Variants in NELL1 observed in about 807,000 individuals in gnomAD.
NELL1 encodes the protein neural EGFL like 1.
A neutral mutation model predicts 107.4 loss-of-function variants in NELL1; 76 were observed. That is an observed-to-expected ratio of 0.71 (90% CI 0.59 to 0.86). The LOEUF (loss-of-function observed/expected upper bound fraction) is 0.86. NELL1 is among the 40% of genes least tolerant of loss of function. The pLI is 0.00. For synonymous variants in NELL1, 353 were observed against 341.2 expected, an observed-to-expected ratio of 1.03 and a Z score of -0.38; for missense variants, 1,024 against 1,005.5, an observed-to-expected ratio of 1.02 and a Z score of -0.25.
chr11:20,847,374 T>C (rs1848718552), intron 3 of NELL1, among the ~76,000 whole-genome samples: 1 of 152,158 alleles, frequency 6.6e-6, no homozygotes. Context: ...TTGATCTCTG[T>C]TTCAGAGGCT....
chr11:20,703,012 C>T (rs554679163), intron 2 of NELL1, among the ~76,000 whole-genome samples: 1 of 152,186 alleles, frequency 6.6e-6, no homozygotes, highest in East Asian at 1.9e-4. Flanking sequence ...TGATGCTGGC[C>T]TTATAAAGTG....
chr11:20,947,850 G>A (rs972513202), intron 11 of NELL1, among the ~76,000 whole-genome samples: 3 of 152,044 alleles, frequency 2.0e-5, no homozygotes, highest in African/African-American at 7.2e-5. Context: ...CCCATACTCT[G>A]GTAGAGAATG....
chr11:20,810,659 A>G (rs1191759752), intron 3 of NELL1, among the ~76,000 whole-genome samples: 1 of 152,122 alleles, frequency 6.6e-6, no homozygotes, highest in Non-Finnish European at 1.5e-5. Flanking sequence ...GCAATTGCTA[A>G]TTGTGCTGCT....
At chr11:21,292,287 T>C (rs549530522) in intron 14 of NELL1, among the ~76,000 whole-genome samples, 50 of 152,216 alleles carry the variant, frequency 3.3e-4, no homozygotes, top group Middle Eastern at 3.4e-3. Flanking sequence ...ACACCAGTAA[T>C]AGACAAACAG....
chr11:20,911,263 A>C (rs79863839), intron 5 of NELL1, among the ~76,000 whole-genome samples: 3,576 of 152,300 alleles, frequency 0.023, 97 homozygotes, highest in East Asian at 0.16. Flanking sequence ...GACAGAACCA[A>C]CAGTTATTGA....
intron 15 of NELL1, among the ~76,000 whole-genome samples, chr11:21,492,750 TG>T (rs1359926085): frequency 6.8e-5 from 4 of 58,626 alleles, no homozygotes; most frequent in East Asian, 1.4e-3. Context: ...TGTTGTGGGG[TG>T]GGGGGAGGGG....
At chr11:21,036,392 T>G (rs1271925656) in intron 12 of NELL1, among the ~76,000 whole-genome samples, 1 of 152,110 alleles carries the variant, frequency 6.6e-6, no homozygotes, top group Non-Finnish European at 1.5e-5. Flanking sequence ...ATTTTAAAAT[T>G]TATATGGAAC....
At chr11:20,864,125 G>A (rs1849050534) in intron 4 of NELL1, among the ~76,000 whole-genome samples, 1 of 145,394 alleles carries the variant, frequency 6.9e-6, no homozygotes, top group Non-Finnish European at 1.5e-5. Context: ...AGACTGTGGG[G>A]AGAGGGAGAG....
intron 13 of NELL1, among the ~76,000 whole-genome samples, chr11:21,123,367 G>GTGCA (rs1554970388): frequency 2.1e-5 from 1 of 47,938 alleles, no homozygotes; most frequent in South Asian, 9.5e-4. Flanking sequence ...GTGTGTGTGT[G>GTGCA]CGTTTCCATG....
At chr11:21,076,968 A>T (rs897123899) in intron 12 of NELL1, among the ~76,000 whole-genome samples, 1 of 152,214 alleles carries the variant, frequency 6.6e-6, no homozygotes, top group Non-Finnish European at 1.5e-5. Flanking sequence ...CTGCAGAACC[A>T]CGAGCCAAAT....
chr11:21,325,139 G>A lies in NELL1; in HGVS notation c.1550-45714G>A, dbSNP rs200100954. ...AAATACAAAAAAGTACAAATGCACC[G>A]ATAATTCCATCACTCAGATAAAGTA... On this transcript the variant is annotated intron_variant, in intron 14 of 19. Transcript: ENST00000357134. Among the ~76,000 whole-genome samples, 22 of 152,036 alleles carry A rather than the reference G, an allele frequency of 1.4e-4. 1 individual carries two copies. Among genetic ancestry groups the A allele is most frequent in the South Asian group, 4.1e-4 (2 of 4,822 alleles).
intron 2 of NELL1, among the ~76,000 whole-genome samples, chr11:20,753,414 C>T (rs1450196930): frequency 1.5e-5 from 2 of 132,764 alleles, no homozygotes; most frequent in Non-Finnish European, 3.3e-5. Context: ...TTCAAGAATA[C>T]ACTCATATGT....
intron 14 of NELL1, among the ~76,000 whole-genome samples, chr11:21,231,659 A>G (rs1590755290): frequency 6.6e-6 from 1 of 152,232 alleles, no homozygotes; most frequent in East Asian, 1.9e-4. Flanking sequence ...CTCTCTTGCC[A>G]TTGTGATAAG....
At chr11:21,462,763 A>G (rs1340188513) in intron 15 of NELL1, among the ~76,000 whole-genome samples, 1 of 152,058 alleles carries the variant, frequency 6.6e-6, no homozygotes, top group African/African-American at 2.4e-5. Context: ...CAGGTTTCCA[A>G]GAGTCTAACG....
intron 14 of NELL1, among the ~76,000 whole-genome samples, chr11:21,292,822 G>A (rs1396571902): frequency 1.3e-5 from 2 of 152,058 alleles, no homozygotes; most frequent in Non-Finnish European, 2.9e-5. Flanking sequence ...CCTGACATAA[G>A]CCATGGGGAA....
At chr11:21,511,223 A>G (rs931392115) in intron 15 of NELL1, among the ~76,000 whole-genome samples, 1 of 152,200 alleles carries the variant, frequency 6.6e-6, no homozygotes, top group Non-Finnish European at 1.5e-5. Flanking sequence ...GTAATAATAC[A>G]TTTGTAATAA....
In NELL1 at chr11:20,799,621, T is replaced by C. The variant is rs112379255; in HGVS notation, c.335+15791T>C. On this transcript the variant is annotated intron_variant, in intron 3 of 19. Transcript: ENST00000357134. ...AATTGGTAGTTCACCATTTGAAGCA[T>C]TATCAGTTCATCTGGAGACAGCCAG... is the stretch of plus-strand genomic sequence containing the variant. Among the ~76,000 whole-genome samples the C allele has an allele frequency of 7.2e-3, 1,094 of 151,844 alleles. 8 individuals are homozygous for C. The highest frequency in any genetic ancestry group is 0.01 in the Non-Finnish European group (699 of 67,972).
At chr11:21,101,386 T>G (rs1255436600) in intron 12 of NELL1, among the ~76,000 whole-genome samples, 3 of 152,242 alleles carry the variant, frequency 2.0e-5, no homozygotes, top group African/African-American at 7.2e-5. Flanking sequence ...ATGGTATTTC[T>G]AATTCTAGAT....
intron 5 of NELL1, among the ~76,000 whole-genome samples, chr11:20,896,901 T>C (rs934305029): frequency 1.3e-5 from 2 of 151,966 alleles, no homozygotes; most frequent in South Asian, 2.1e-4. Flanking sequence ...CACTGCTCAA[T>C]GAAATAAAAG....
Sources: allele counts gnomAD v4.1 joint callset (sites outside exome capture counted in the v4.1 genomes callset), GRCh38; gene constraint gnomAD v4.1.1; transcripts MANE v1.5; gene names NCBI Gene and HGNC (gene_info 2026-07-23, HGNC 2026-07-21).